The following NEDD4L variants were observed in gnomAD, a reference collection of about 807,000 sequenced individuals.
The protein encoded by NEDD4L is E3 ubiquitin-protein ligase NEDD4-like.
Under a neutral mutation model 148.9 loss-of-function variants are expected in NEDD4L, and 54 were observed. The ratio of observed to expected loss-of-function variants is 0.36; its 90% CI spans 0.29 to 0.45. NEDD4L has a LOEUF of 0.45. NEDD4L is among the 20% of genes least tolerant of loss of function. The pLI is 1.00. For missense variants in NEDD4L, 856 were observed against 1,233.8 expected (o/e 0.69, Z 4.59); for synonymous variants, 433 against 440.7 (o/e 0.98, Z 0.22).
At chr18:58,184,560 A>T (rs1265164632) in intron 2 of NEDD4L, among the ~76,000 whole-genome samples, 3 of 152,150 alleles carry the variant, frequency 2.0e-5, no homozygotes, top group Non-Finnish European at 4.4e-5. Flanking sequence ...ATCAGTTCAT[A>T]AAGTTTCTGT....
At chr18:58,060,688 C>T (rs957390071) in intron 1 of NEDD4L, among the ~76,000 whole-genome samples, 1 of 152,196 alleles carries the variant, frequency 6.6e-6, no homozygotes, top group African/African-American at 2.4e-5. Context: ...CTATTAAATA[C>T]TTAGTACAGT....
chr18:58,145,627 T>TG (rs144363777), intron 1 of NEDD4L, among the ~76,000 whole-genome samples: 147 of 140,402 alleles, frequency 1.0e-3, no homozygotes, highest in African/African-American at 2.9e-3. Flanking sequence ...TTTAAGGAAT[T>TG]GGGTTTTTTT....
Position 58,075,140 on chromosome 18 carries a change from C to T in NEDD4L, c.48+30432C>T, listed in dbSNP as rs904796712. On this transcript the variant is annotated intron_variant, in intron 1 of 30. Coordinates refer to ENST00000400345, the MANE Select transcript of NEDD4L (RefSeq NM_001144967.3). Reference sequence around the variant, plus strand: ...ATGGAGTTTTAGGACCAGAAAGCGTCGTAGTAGCAGAGACTTCTCGTCCTA... The same window carrying T: ...ATGGAGTTTTAGGACCAGAAAGCGTTGTAGTAGCAGAGACTTCTCGTCCTA... 3.3e-5 allele frequency among the ~76,000 whole-genome samples: 5 copies of T among 152,142 alleles called. No individual in the cohort carries two copies. In the East Asian group the frequency reaches 5.8e-4, roughly 18 times the overall value.
intron 2 of NEDD4L, among the ~76,000 whole-genome samples, chr18:58,168,054 C>T (rs1269041639): frequency 6.6e-6 from 1 of 152,128 alleles, no homozygotes; most frequent in Admixed American, 6.5e-5. Flanking sequence ...TAGATAATAA[C>T]AGGCAGGGTC....
At chr18:58,294,072 C>A (rs1322071599) in intron 5 of NEDD4L, among the ~76,000 whole-genome samples, 1 of 152,184 alleles carries the variant, frequency 6.6e-6, no homozygotes, top group Non-Finnish European at 1.5e-5. Flanking sequence ...GTCTTTGGTG[C>A]CATGAACACC....
At chr18:58,269,345 C>G (rs2050693912) in intron 5 of NEDD4L, among the ~76,000 whole-genome samples, 1 of 152,008 alleles carries the variant, frequency 6.6e-6, no homozygotes, top group Non-Finnish European at 1.5e-5. Flanking sequence ...TACTGAATGG[C>G]TCATTTTTAT....
intron 5 of NEDD4L, among the ~76,000 whole-genome samples, chr18:58,296,502 C>G (rs1473061476): frequency 1.3e-5 from 2 of 152,242 alleles, no homozygotes; most frequent in African/African-American, 4.8e-5. Context: ...CCTCCAGAGC[C>G]TCTAGGAACA....
intron 18 of NEDD4L, among the ~76,000 whole-genome samples, chr18:58,355,910 A>G (rs2044560355): frequency 6.6e-6 from 1 of 152,020 alleles, no homozygotes; most frequent in South Asian, 2.1e-4. Context: ...TATTCTTATC[A>G]GCTCACTTAC....
intron 5 of NEDD4L, among the ~76,000 whole-genome samples, chr18:58,309,713 G>T (rs1460813204): frequency 6.6e-6 from 1 of 151,916 alleles, no homozygotes; most frequent in South Asian, 2.1e-4. Context: ...AAAAAAAATG[G>T]TGATTCTTGT....
At chr18:58,392,710 C>T (rs1330125538) in intron 30 of NEDD4L, among the ~76,000 whole-genome samples, 1 of 152,114 alleles carries the variant, frequency 6.6e-6, no homozygotes, top group Admixed American at 6.6e-5. Flanking sequence ...TTGAGTAGTT[C>T]AGAGCTTTTA....
intron 1 of NEDD4L, among the ~76,000 whole-genome samples, chr18:58,125,755 A>T (rs140364839): frequency 1.3e-5 from 2 of 152,382 alleles, no homozygotes; most frequent in African/African-American, 4.8e-5. Flanking sequence ...TAGTTAACTC[A>T]TGATATCAAA....
chr18:58,210,072 A>G (rs1445556497), intron 2 of NEDD4L, among the ~76,000 whole-genome samples: 3 of 151,488 alleles, frequency 2.0e-5, no homozygotes. Flanking sequence ...GAGGTGAGGC[A>G]GGAGAATTGC....
Position 58,256,158 on chromosome 18 carries a change from G to A in NEDD4L, c.297+4104G>A, listed in dbSNP as rs1391090405. The A allele has an allele frequency of 2.5e-6, 3 of 1,219,448 alleles. No individual in the cohort carries two copies. Among genetic ancestry groups the A allele is most frequent in the Non-Finnish European group, 3.1e-6 (3 of 980,336 alleles). 75.5% of individuals were successfully genotyped at this position (1,219,448 alleles called of 1,614,324 possible). On this transcript the variant is annotated intron_variant, in intron 5 of 30. Coordinates refer to ENST00000400345, the MANE Select transcript of NEDD4L (RefSeq NM_001144967.3). The surrounding 1 kb of genome is among the most constrained non-coding windows in gnomAD (Gnocchi z 5.2). ...CAGGTCAACGGCACGTGCGGCCGCCGCGTGCGGTGCTCCGGCCCCGTGGAC... is the reference window on the plus strand; with the variant it reads ...CAGGTCAACGGCACGTGCGGCCGCCACGTGCGGTGCTCCGGCCCCGTGGAC...
At chr18:58,103,849 G>GA (rs1268600634) in intron 1 of NEDD4L, among the ~76,000 whole-genome samples, 3 of 152,202 alleles carry the variant, frequency 2.0e-5, no homozygotes, top group Non-Finnish European at 4.4e-5. Context: ...CATAAACAAG[G>GA]AAAGTGGTTG....
chr18:58,245,846 ATTTTTTTTTTTTT>A (rs58940181), intron 3 of NEDD4L, among the ~76,000 whole-genome samples: 1 of 91,552 alleles, frequency 1.1e-5, no homozygotes, highest in Admixed American at 1.4e-4. Context: ...ATGCCTGGCT[ATTTTTTTTTTTTT>A]TTTTTTTTTT....
intron 18 of NEDD4L, among the ~76,000 whole-genome samples, chr18:58,356,874 A>G (rs1250216962): frequency 6.6e-6 from 1 of 152,250 alleles, no homozygotes; most frequent in African/African-American, 2.4e-5. Flanking sequence ...AATCAAGATC[A>G]AGTTATAAAT....
rs548274910 is a variant in NEDD4L, at chr18:58,172,092, C to T, written c.122+6231C>T. Among the ~76,000 whole-genome samples, 555 of 152,222 alleles carry T rather than the reference C, an allele frequency of 3.6e-3. 2 individuals are homozygous for T. Among genetic ancestry groups the T allele is most frequent in the Middle Eastern group, 0.01 (3 of 294 alleles). On this transcript the variant is annotated intron_variant, in intron 2 of 30. Coordinates refer to ENST00000400345, the MANE Select transcript of NEDD4L (RefSeq NM_001144967.3). The stretch of plus-strand genomic sequence containing the variant: ...GTCATGGCTCTGCACCTGACCCTCA[C>T]CTTAGGGGTCAGGAGAGAGCCAAGG...
chr18:58,267,655 A>G lies in NEDD4L; in HGVS notation c.297+15601A>G, dbSNP rs1420340114. 3.3e-5 allele frequency among the ~76,000 whole-genome samples: 5 copies of G among 151,972 alleles called. No homozygotes were observed. In the East Asian group the frequency reaches 9.6e-4, roughly 29 times the overall value. On this transcript the variant is annotated intron_variant, in intron 5 of 30. Coordinates refer to ENST00000400345, the MANE Select transcript of NEDD4L (RefSeq NM_001144967.3). Reference sequence around the variant, plus strand: ...ATTTTCATGTTGCAATGCCTAGAAAATGGGAGGTTTTTCTTCTCCTTAAGG... The same window carrying G: ...ATTTTCATGTTGCAATGCCTAGAAAGTGGGAGGTTTTTCTTCTCCTTAAGG...
At chr18:58,178,434 G>A (rs543979351) in intron 2 of NEDD4L, among the ~76,000 whole-genome samples, 77 of 127,336 alleles carry the variant, frequency 6.0e-4, no homozygotes, top group Admixed American at 1.1e-3. Flanking sequence ...TAGAGAAAAC[G>A]CTCTCACTGC....
Sources: gnomAD v4.1 joint callset for allele counts (sites outside exome capture counted in the v4.1 genomes callset) on GRCh38, gnomAD v4.1.1 for gene constraint, Gnocchi (gnomAD v3.1) non-coding constraint, MANE v1.5 for transcripts, NCBI Gene and HGNC (gene_info 2026-07-23, HGNC 2026-07-21) for gene names.